The following UBN1 variants were observed in gnomAD, a reference collection of about 807,000 sequenced individuals.
UBN1 encodes ubinuclein-1.
UBN1 carries 17 observed loss-of-function variants against 108.5 expected under a neutral mutation model. That is an observed-to-expected ratio of 0.16 (90% CI 0.11 to 0.24). The LOEUF (loss-of-function observed/expected upper bound fraction) is 0.24. UBN1 is among the 10% of genes least tolerant of loss of function. The pLI is 1.00. For missense variants in UBN1, 1,595 were observed against 1,394.4 expected (o/e 1.14, Z -2.29); for synonymous variants, 726 against 564.2 (o/e 1.29, Z -4.07).
Position 4,874,569 on chromosome 16 carries a change from A to G in UBN1, c.2159A>G (p.Lys720Arg), listed in dbSNP as rs767599140. The G allele has an allele frequency of 1.2e-6, 2 of 1,614,192 alleles. No individual in the cohort carries two copies. The highest frequency in any genetic ancestry group is 1.7e-6 in the Non-Finnish European group (2 of 1,180,030). Residue 720 changes from lysine (K) to arginine (R), a missense_variant, in exon 15 of 18, where the codon AAG (lysine) becomes AGG (arginine). Lys to Arg is a conservative substitution (Grantham distance 26). Transcript: ENST00000262376. Reference protein sequence around the residue: ...LCTEEKRNFAKPSPSAPPPAS... With the variant: ...LCTEEKRNFARPSPSAPPPAS... ...ACAGAAGAAAAAAGGAACTTTGCGA[A>G]GCCTAGTCCTTCTGCTCCACCACCA...
In UBN1 at chr16:4,858,003, C is replaced by A; in HGVS notation, c.263C>A (p.Ser88Ter). 1 of 1,612,450 alleles carries A rather than the reference C, an allele frequency of 6.2e-7. No homozygotes were observed. The highest frequency in any genetic ancestry group is 8.5e-7 in the Non-Finnish European group (1 of 1,179,204). The change falls in exon 3 of 18, where the codon TCA (serine) becomes TAA (stop). Residue 88 changes from serine to a stop codon, truncating the protein, a stop_gained. Coordinates refer to ENST00000262376, the MANE Select transcript of UBN1 (RefSeq NM_001079514.3). LOFTEE classifies it high-confidence loss of function. The stretch of plus-strand genomic sequence containing the variant: ...ATCTCTTTACAGAAGAAAGATCTGT[C>A]AGATCCTTTCAATGACGAAGAAAAG... ...LQPGDKKKDL[S>*]DPFNDEEKER...
chr16:4,863,535 T>C (rs1240746189), intron 7 of UBN1, among the ~76,000 whole-genome samples: 1 of 152,196 alleles, frequency 6.6e-6, no homozygotes, highest in Non-Finnish European at 1.5e-5. Context: ...ATTTTTAAAA[T>C]TTAAAGTAAA....
At chr16:4,854,871 C>A (rs1047061172) in intron 2 of UBN1, among the ~76,000 whole-genome samples, 1 of 151,670 alleles carries the variant, frequency 6.6e-6, no homozygotes, top group South Asian at 2.1e-4. Context: ...TACAGGCGCC[C>A]GCCACCACGT....
At chr16:4,873,206 T>C in intron 14 of UBN1, 133 bp downstream of exon 14, 2 of 1,313,430 alleles carry the variant, frequency 1.5e-6, no homozygotes. Context: ...ATGACATTCT[T>C]GAAGTCATAA....
chr16:4,851,598 C>A (rs928544380), intron 1 of UBN1, among the ~76,000 whole-genome samples: 1 of 151,790 alleles, frequency 6.6e-6, no homozygotes, highest in Non-Finnish European at 1.5e-5. Context: ...GAAGGAGGGT[C>A]GCTTGAGGTT....
intron 7 of UBN1, among the ~76,000 whole-genome samples, chr16:4,865,312 T>C (rs1320835451): frequency 6.6e-6 from 1 of 152,182 alleles, no homozygotes; most frequent in Non-Finnish European, 1.5e-5. Context: ...TTACATAATA[T>C]TATTTAAAAT....
At chr16:4,870,417 G>A (rs770425396) in intron 9 of UBN1, 76 bp downstream of exon 9, 71 of 1,609,000 alleles carry the variant, frequency 4.4e-5, no homozygotes, top group South Asian at 6.6e-5. Flanking sequence ...GCAATGATGC[G>A]TCTGCTGCCC....
chr16:4,860,937 C>G lies in UBN1; in HGVS notation c.945C>G (p.Asp315Glu). The change falls in exon 7 of 18, where the codon GAC (aspartate) becomes GAG (glutamate). Residue 315 changes from aspartate (D) to glutamate (E), a missense_variant. Around this residue, in one of 3 missense-constraint regions of UBN1, gnomAD observed 1,398 missense variants for 1,194.7 expected, o/e 1.17. Coordinates refer to ENST00000262376, the MANE Select transcript of UBN1 (RefSeq NM_001079514.3). ...CCATGGACTCGCTGACGGATTTGGA[C>G]TTGGAGCATCTGCTCAGTGAGTCTC... is the stretch of plus-strand genomic sequence containing the variant. ...ATAMDSLTDL[D>E]LEHLLSESPE... The G allele has an allele frequency of 6.2e-7, 1 of 1,614,248 alleles. No individual in the cohort carries two copies. Among genetic ancestry groups the G allele is most frequent in the Non-Finnish European group, 8.5e-7 (1 of 1,180,048 alleles).
At chr16:4,876,813 TGTGA>T (rs2142290299) in intron 15 of UBN1, 54 bp from the exon 16 acceptor site, 1 of 1,526,564 alleles carries the variant, frequency 6.6e-7, no homozygotes, top group Non-Finnish European at 8.8e-7. Flanking sequence ...CCAGGTTTGG[TGTGA>T]GTGAGCCACG....
chr16:4,863,019 A>T (rs992274216), intron 7 of UBN1, among the ~76,000 whole-genome samples: 1 of 152,230 alleles, frequency 6.6e-6, no homozygotes, highest in Non-Finnish European at 1.5e-5. Context: ...GAGTCTTCAC[A>T]TTGCCCTTCT....
At chr16:4,867,777 G>A (rs547870197) in intron 7 of UBN1, among the ~76,000 whole-genome samples, 11 of 152,162 alleles carry the variant, frequency 7.2e-5, no homozygotes, top group African/African-American at 2.6e-4. Flanking sequence ...GGGAGATGAT[G>A]GTGAGGGGTT....
chr16:4,851,583 C>G (rs969906648), intron 1 of UBN1, among the ~76,000 whole-genome samples: 1 of 151,976 alleles, frequency 6.6e-6, no homozygotes, highest in African/African-American at 2.4e-5. Context: ...GTTATAATTT[C>G]CTTGGAAGGA....
At chr16:4,852,002 A>C (rs780641615) in intron 1 of UBN1, among the ~76,000 whole-genome samples, 1 of 152,088 alleles carries the variant, frequency 6.6e-6, no homozygotes, top group African/African-American at 2.4e-5. Context: ...GAAAGTCACA[A>C]TTTATTCAAC....
intron 2 of UBN1, among the ~76,000 whole-genome samples, chr16:4,856,103 C>A (rs986985913): frequency 6.6e-6 from 1 of 152,190 alleles, no homozygotes; most frequent in African/African-American, 2.4e-5. Context: ...AAAATGGTAT[C>A]TTCTTCCTTT....
In UBN1 at chr16:4,858,785, C is replaced by CA. The variant is rs1456351151; in HGVS notation, c.432+123dup. On this transcript the variant is annotated intron_variant, in intron 4 of 17. Coordinates refer to ENST00000262376, the MANE Select transcript of UBN1 (RefSeq NM_001079514.3). ...CCCTCTTCCCAGCATGAGGCAGTAGCAGCACTGATGAGAGACGAAATGACA... is the reference window on the plus strand; with the variant it reads ...CCCTCTTCCCAGCATGAGGCAGTAGCAAGCACTGATGAGAGACGAAATGACA... 3.9e-6 allele frequency: 4 copies of CA among 1,014,032 alleles called. No homozygotes were observed. In the Admixed American group the frequency reaches 6.5e-5, roughly 16 times the overall value. 62.8% of individuals were successfully genotyped at this position (1,014,032 alleles called of 1,614,324 possible).
chr16:4,868,841 A>C lies in UBN1; in HGVS notation c.1119A>C (p.Arg373Ser). 3 of 1,613,836 alleles carry C rather than the reference A, an allele frequency of 1.9e-6. No homozygotes were observed. The highest frequency in any genetic ancestry group is 2.5e-6 in the Non-Finnish European group (3 of 1,179,838). The stretch of plus-strand genomic sequence containing the variant: ...TGTCTGCTGTGCACCAGGCTGCCAG[A>C]GCTGCTGAGGGGGAGAGCAGACAGA... ...KRVKELAQAA[R>S]AAEGESRQKF... The change falls in exon 8 of 18, where the codon AGA (arginine) becomes AGC (serine). Residue 373 changes from arginine (R) to serine (S), a missense_variant. Arg to Ser is a moderately radical substitution (Grantham distance 110). Around this residue, in one of 3 missense-constraint regions of UBN1, gnomAD observed 1,398 missense variants for 1,194.7 expected, o/e 1.17. Transcript: ENST00000262376.
At chr16:4,862,246 A>T (rs2087102575) in intron 7 of UBN1, among the ~76,000 whole-genome samples, 1 of 152,224 alleles carries the variant, frequency 6.6e-6, no homozygotes, top group Admixed American at 6.5e-5. Flanking sequence ...GTTTTAGGGC[A>T]GGGTAAATTG....
Position 4,877,119 on chromosome 16 carries a change from C to G in UBN1, c.3265+8C>G. The G allele has an allele frequency of 6.2e-7, 1 of 1,600,458 alleles. No homozygotes were observed. The highest frequency in any genetic ancestry group is 1.1e-5 in the South Asian group (1 of 88,878). On this transcript the variant is annotated splice_region_variant and intron_variant, in intron 16 of 17. Coordinates refer to ENST00000262376, the MANE Select transcript of UBN1 (RefSeq NM_001079514.3). This position sits in a 1 kb window ranked among gnomAD's most constrained non-coding sequence, Gnocchi z 4.3. ...ACCATGGCCTTGGCCACAGTAAGTGCTTCTTTGCTGCCTCTGGTCACTCAG... is the reference window on the plus strand; with the variant it reads ...ACCATGGCCTTGGCCACAGTAAGTGGTTCTTTGCTGCCTCTGGTCACTCAG...
intron 2 of UBN1, among the ~76,000 whole-genome samples, chr16:4,853,561 CTT>C (rs770275981): frequency 2.9e-5 from 4 of 138,024 alleles, no homozygotes; most frequent in African/African-American, 2.6e-5. Context: ...TTTTTTCTTT[CTT>C]TTTTTTTTTT....
Sources: gnomAD v4.1 joint callset for allele counts (sites outside exome capture counted in the v4.1 genomes callset) on GRCh38, gnomAD v4.1.1 for gene constraint, gnomAD v4.1.1 regional missense constraint, Gnocchi (gnomAD v3.1) non-coding constraint, MANE v1.5 for transcripts, NCBI Gene and HGNC (gene_info 2026-07-23, HGNC 2026-07-21) for gene names.